TP63: variants seen among roughly 807,000 people sequenced by gnomAD.
The protein encoded by TP63 is tumor protein 63.
Under a neutral mutation model 82.8 loss-of-function variants are expected in TP63, and 17 were observed. The ratio of observed to expected loss-of-function variants is 0.21; its 90% CI spans 0.14 to 0.31. The LOEUF (loss-of-function observed/expected upper bound fraction) is 0.31. TP63 is among the 10% of genes least tolerant of loss of function. TP63 has a pLI of 1.00. For synonymous variants in TP63, 330 were observed against 321.7 expected, an observed-to-expected ratio of 1.03 and a Z score of -0.28; for missense variants, 648 against 895.3, an observed-to-expected ratio of 0.72 and a Z score of 3.52.
chr3:189,618,182 G>T, the TP63 span, among the ~76,000 whole-genome samples: 5 of 152,156 alleles, frequency 3.3e-5, no homozygotes, highest in African/African-American at 1.2e-4. Flanking sequence ...CCTGGCTATA[G>T]GTCTGTTTAG....
intron 3 of TP63, among the ~76,000 whole-genome samples, chr3:189,803,409 ATC>A (rs1432245348): frequency 3.9e-5 from 6 of 152,244 alleles, no homozygotes; most frequent in Non-Finnish European, 7.3e-5. Flanking sequence ...CTTCATTGGA[ATC>A]TCTTTTTGAT....
chr3:189,701,299 T>C (rs1197350392), intron 1 of TP63, among the ~76,000 whole-genome samples: 1 of 152,034 alleles, frequency 6.6e-6, no homozygotes, highest in Non-Finnish European at 1.5e-5. Context: ...TCTGTGAAGA[T>C]GTGAAAGCTA....
chr3:189,787,482 T>C (rs939769884), intron 3 of TP63, among the ~76,000 whole-genome samples: 1 of 152,074 alleles, frequency 6.6e-6, no homozygotes, highest in Non-Finnish European at 1.5e-5. Flanking sequence ...CAAGTAGCCA[T>C]AGTGGATATA....
intron 4 of TP63, among the ~76,000 whole-genome samples, chr3:189,843,788 C>A (rs1577085056): frequency 1.3e-5 from 2 of 152,132 alleles, no homozygotes; most frequent in African/African-American, 4.8e-5. Context: ...AATAATTTGC[C>A]CAAGATGATG....
At chr3:189,659,817 GT>G (rs1208185826) in intron 1 of TP63, among the ~76,000 whole-genome samples, 1 of 151,870 alleles carries the variant, frequency 6.6e-6, no homozygotes, top group Non-Finnish European at 1.5e-5. Context: ...AGTTAAGCAT[GT>G]TTTTTCATGT....
chr3:189,671,058 C>T (rs749202337), intron 1 of TP63, among the ~76,000 whole-genome samples: 1 of 151,870 alleles, frequency 6.6e-6, no homozygotes, highest in Non-Finnish European at 1.5e-5. Flanking sequence ...AAAACTTGTG[C>T]ACAGCAAAGG....
intron 3 of TP63, among the ~76,000 whole-genome samples, chr3:189,756,913 C>A (rs1560161362): frequency 6.6e-6 from 1 of 152,162 alleles, no homozygotes; most frequent in African/African-American, 2.4e-5. Context: ...AGCAGAAACA[C>A]AGGAGCTGAT....
In TP63 at chr3:189,682,202, C is replaced by A. The variant is rs181935512; in HGVS notation, c.62+50625C>A. 1.3e-3 allele frequency among the ~76,000 whole-genome samples: 203 copies of A among 152,088 alleles called. 1 individual carries two copies. The highest frequency in any genetic ancestry group is 4.1e-3 in the African/African-American group (171 of 41,496). On this transcript the variant is annotated intron_variant, in intron 1 of 13. Transcript: ENST00000264731. ...TCATATATCAGTGCAACACAGAAGA[C>A]CTCAAATAAAAATTAATGAAGAGCA...
At chr3:189,706,772 T>C (rs1470412051) in intron 1 of TP63, among the ~76,000 whole-genome samples, 3 of 152,188 alleles carry the variant, frequency 2.0e-5, no homozygotes, top group Non-Finnish European at 4.4e-5. Flanking sequence ...TCACCAGCTT[T>C]GTTAGATAGA....
intron 10 of TP63, 96 bp from the exon 11 acceptor site, chr3:189,886,298 T>A (rs1479603441): frequency 7.3e-7 from 1 of 1,372,684 alleles, no homozygotes; most frequent in East Asian, 2.3e-5. Context: ...AATGTTTGGT[T>A]TGAGGCCATG....
intron 3 of TP63, among the ~76,000 whole-genome samples, chr3:189,753,123 T>C (rs1357721927): frequency 1.3e-5 from 2 of 152,268 alleles, no homozygotes; most frequent in East Asian, 3.9e-4. Context: ...GAGCTTCTGT[T>C]GGGTGGAATG....
chr3:189,790,053 G>A (rs1419554507), intron 3 of TP63, among the ~76,000 whole-genome samples: 1 of 151,114 alleles, frequency 6.6e-6, no homozygotes, highest in Non-Finnish European at 1.5e-5. Context: ...AGGAGAAGAT[G>A]AAAAAGAAAA....
At chr3:189,839,162 T>A (rs980010551) in intron 4 of TP63, among the ~76,000 whole-genome samples, 1 of 152,166 alleles carries the variant, frequency 6.6e-6, no homozygotes, top group Non-Finnish European at 1.5e-5. Context: ...TTAAATCCTA[T>A]TATATTTACA....
intron 10 of TP63, among the ~76,000 whole-genome samples, chr3:189,874,291 C>T (rs909598180): frequency 2.6e-5 from 4 of 152,252 alleles, no homozygotes; most frequent in South Asian, 2.1e-4. Flanking sequence ...AGGCTGGTCG[C>T]GAACTCCTGA....
intron 3 of TP63, among the ~76,000 whole-genome samples, chr3:189,788,837 C>T (rs1288302641): frequency 1.3e-5 from 2 of 150,826 alleles, no homozygotes; most frequent in African/African-American, 4.9e-5. Flanking sequence ...GCATCACGTG[C>T]AGTAATCATT....
chr3:189,789,602 A>C (rs1317901497), intron 3 of TP63: 6 of 1,268,454 alleles, frequency 4.7e-6, no homozygotes, highest in Non-Finnish European at 6.0e-6. Flanking sequence ...TAAAGAGAAG[A>C]GTCCCGCCTC....
the TP63 span, among the ~76,000 whole-genome samples, chr3:189,604,954 C>T: frequency 8.1e-4 from 124 of 152,296 alleles, no homozygotes; most frequent in Non-Finnish European, 1.5e-3. Context: ...TTCAAACTGA[C>T]ATCTCAACAT....
intron 4 of TP63, among the ~76,000 whole-genome samples, chr3:189,842,285 C>G (rs2108744891): frequency 6.6e-6 from 1 of 152,246 alleles, no homozygotes; most frequent in South Asian, 2.1e-4. Context: ...CCGATCTGCC[C>G]ACCAACCCTG....
chr3:189,759,840 C>A (rs1430172559), intron 3 of TP63, among the ~76,000 whole-genome samples: 1 of 152,106 alleles, frequency 6.6e-6, no homozygotes, highest in Non-Finnish European at 1.5e-5. Flanking sequence ...GGGCAATTTA[C>A]AAAAGAAAGA....
Sources: allele counts gnomAD v4.1 joint callset (sites outside exome capture counted in the v4.1 genomes callset), GRCh38; gene constraint gnomAD v4.1.1; transcripts MANE v1.5; gene names NCBI Gene and HGNC (gene_info 2026-07-23, HGNC 2026-07-21).